The following PHF20 variants were observed in gnomAD, a reference collection of about 807,000 sequenced individuals.
PHF20 encodes the protein PHD finger protein 20, also known as glioma-expressed antigen 2.
In PHF20, 23 loss-of-function variants were observed where a neutral mutation model predicts 113.5. The observed-to-expected ratio is 0.20, with a 90% CI of 0.15 to 0.29. The LOEUF is 0.29. Among genes scored for constraint, PHF20 ranks in the 10% least tolerant of loss-of-function variants. PHF20 has a pLI of 1.00. For synonymous variants in PHF20, 434 were observed against 457.3 expected (o/e 0.95, Z 0.65); for missense variants, 943 against 1,219.6 (o/e 0.77, Z 3.38).
In PHF20 at chr20:35,784,080, G is replaced by A. The variant is rs1190530231; in HGVS notation, c.-33+12001G>A. ...GTGTTTTTTTTTTTTTTGAGACAGTGTATCGCTCTGTCCCCCAGGCTGGAG... is the reference window on the plus strand; with the variant it reads ...GTGTTTTTTTTTTTTTTGAGACAGTATATCGCTCTGTCCCCCAGGCTGGAG... On this transcript the variant is annotated intron_variant, in intron 1 of 17. Transcript: ENST00000374012. 6.8e-5 allele frequency among the ~76,000 whole-genome samples: 10 copies of A among 148,060 alleles called. No homozygotes were observed. The East Asian group carries it at 8.2e-4, about 12-fold the overall frequency.
At chr20:35,938,608 G>C in intron 15 of PHF20, 89 bp from the exon 16 acceptor site, 2 of 1,303,470 alleles carry the variant, frequency 1.5e-6, no homozygotes, top group Non-Finnish European at 2.1e-6. Context: ...TGGAGCTGCT[G>C]TCCCTACTGG....
chr20:35,797,290 A>G (rs1472455280), intron 1 of PHF20, among the ~76,000 whole-genome samples: 2 of 151,930 alleles, frequency 1.3e-5, no homozygotes, highest in Admixed American at 6.6e-5. Flanking sequence ...AGGTGGGTGC[A>G]TCATTTGAGG....
chr20:35,824,893 T>C (rs974738205), intron 2 of PHF20, among the ~76,000 whole-genome samples: 8 of 152,240 alleles, frequency 5.3e-5, no homozygotes. Flanking sequence ...GCATGCTATT[T>C]TCAAGGTTCA....
At chr20:35,940,757 G>A in intron 16 of PHF20, 107 bp from the exon 17 acceptor site, 2 of 909,562 alleles carry the variant, frequency 2.2e-6, no homozygotes, top group Non-Finnish European at 3.4e-6. Context: ...GGGATTTGGA[G>A]TATTGAAACT....
chr20:35,827,987 C>T (rs955844512), intron 2 of PHF20, among the ~76,000 whole-genome samples: 4 of 151,896 alleles, frequency 2.6e-5, no homozygotes, highest in Non-Finnish European at 5.9e-5. Flanking sequence ...GTTTACAAAC[C>T]CTAGAGTAAG....
intron 2 of PHF20, among the ~76,000 whole-genome samples, chr20:35,839,161 G>C (rs1258261827): frequency 1.3e-5 from 2 of 151,810 alleles, no homozygotes; most frequent in East Asian, 1.9e-4. Flanking sequence ...GAGGCCGAGG[G>C]GGGCGGATCA....
At chr20:35,851,917 CAAA>C (rs777146225) in intron 4 of PHF20, among the ~76,000 whole-genome samples, 3 of 121,002 alleles carry the variant, frequency 2.5e-5, no homozygotes, top group Non-Finnish European at 3.6e-5. Flanking sequence ...ACTCCGTCTC[CAAA>C]AAAAAAAAAA....
intron 3 of PHF20, among the ~76,000 whole-genome samples, chr20:35,844,496 A>T (rs1431812981): frequency 7.7e-6 from 1 of 129,168 alleles, no homozygotes; most frequent in East Asian, 2.2e-4. Flanking sequence ...TCACTCTGTC[A>T]TTATAAAATT....
At chr20:35,942,875 G>C (rs988844458) in intron 17 of PHF20, among the ~76,000 whole-genome samples, 1 of 151,802 alleles carries the variant, frequency 6.6e-6, no homozygotes, top group Non-Finnish European at 1.5e-5. Context: ...CCGGGCTGGA[G>C]TGCAGTGGTG....
chr20:35,900,908 T>G (rs1420617711), intron 10 of PHF20, among the ~76,000 whole-genome samples: 10 of 152,000 alleles, frequency 6.6e-5, no homozygotes, highest in Non-Finnish European at 2.9e-5. Flanking sequence ...AGTTCAAAAA[T>G]GAGTAAGAAA....
chr20:35,827,601 G>A (rs1198294320), intron 2 of PHF20, among the ~76,000 whole-genome samples: 4 of 152,054 alleles, frequency 2.6e-5, no homozygotes, highest in African/African-American at 7.2e-5. Context: ...TGGCTAACAC[G>A]GTGAAACCCT....
intron 15 of PHF20, 26 bp from the exon 16 acceptor site, chr20:35,938,671 C>T (rs772834494): frequency 6.4e-7 from 1 of 1,573,714 alleles, no homozygotes; most frequent in African/African-American, 1.4e-5. Flanking sequence ...ACTCCAAAGC[C>T]CATGTCCTCT....
intron 1 of PHF20, among the ~76,000 whole-genome samples, chr20:35,784,036 C>T (rs138872277): frequency 1.9e-3 from 282 of 151,846 alleles, no homozygotes; most frequent in Admixed American, 3.9e-3. Flanking sequence ...GCCACTGTCC[C>T]GCCCTTACGT....
chr20:35,857,562 C>CTTTTTTTTTTTTTTT lies in PHF20; in HGVS notation c.341-730_341-716dup, dbSNP rs56655276. On this transcript the variant is annotated intron_variant, in intron 4 of 17. Coordinates refer to ENST00000374012, the MANE Select transcript of PHF20 (RefSeq NM_016436.5). Reference sequence around the variant, plus strand: ...CAATACCTTTAGCTGAATGATGTTCCTTTTTTTTTTTTTTTTTTTTTTTTG... The same window carrying CTTTTTTTTTTTTTTT: ...CAATACCTTTAGCTGAATGATGTTCCTTTTTTTTTTTTTTTTTTTTTTTTTTTTTTTTTTTTTTTG... Among the ~76,000 whole-genome samples, 349 of 99,700 alleles carry CTTTTTTTTTTTTTTT rather than the reference C, an allele frequency of 3.5e-3. 7 individuals are homozygous for CTTTTTTTTTTTTTTT. Among genetic ancestry groups the CTTTTTTTTTTTTTTT allele is most frequent in the African/African-American group, 8.0e-3 (214 of 26,894 alleles). The allele number at this position is 99,700 out of a possible 152,430, so 65.4% of individuals were successfully genotyped here.
intron 9 of PHF20, among the ~76,000 whole-genome samples, chr20:35,883,557 T>C (rs1020337329): frequency 6.6e-6 from 1 of 152,178 alleles, no homozygotes; most frequent in East Asian, 1.9e-4. Context: ...TCCCCACTGT[T>C]CAGCCTCCTA....
At chr20:35,804,229 G>GTTTTTT (rs1216930263) in intron 2 of PHF20, among the ~76,000 whole-genome samples, 5 of 99,584 alleles carry the variant, frequency 5.0e-5, no homozygotes, top group Non-Finnish European at 5.8e-5. Context: ...GCTACTGTAT[G>GTTTTTT]TTTTTTTTTT....
intron 10 of PHF20, 114 bp from the exon 11 acceptor site, chr20:35,913,135 T>TC (rs894408879): frequency 3.7e-6 from 2 of 544,406 alleles, no homozygotes; most frequent in African/African-American, 4.0e-5. Flanking sequence ...AGCAATCTGC[T>TC]CCAGACTTCC....
At chr20:35,891,268 T>G (rs1319367692) in intron 9 of PHF20, among the ~76,000 whole-genome samples, 1 of 151,724 alleles carries the variant, frequency 6.6e-6, no homozygotes, top group Non-Finnish European at 1.5e-5. Flanking sequence ...TCCCAGCTAC[T>G]TGGGAGGCTG....
rs189809797 is a variant in PHF20 at position 35,855,832 on chromosome 20, C to A, written c.341-2470C>A. 9.8e-3 allele frequency among the ~76,000 whole-genome samples: 1,494 copies of A among 152,114 alleles called. 9 individuals carry two copies. Among genetic ancestry groups the A allele is most frequent in the Non-Finnish European group, 0.015 (1,053 of 68,002 alleles). On this transcript the variant is annotated intron_variant, in intron 4 of 17. Transcript: ENST00000374012. ...GGGATTGCAGGTGCCCACCACCATACCTGGCTAATGTTTTTTGCATTTTTT... is the reference window on the plus strand; with the variant it reads ...GGGATTGCAGGTGCCCACCACCATAACTGGCTAATGTTTTTTGCATTTTTT...
Sources: gnomAD v4.1 joint callset for allele counts (sites outside exome capture counted in the v4.1 genomes callset) on GRCh38, gnomAD v4.1.1 for gene constraint, MANE v1.5 for transcripts, NCBI Gene and HGNC (gene_info 2026-07-23, HGNC 2026-07-21) for gene names.